The following ANKFY1 variants were observed in gnomAD, a reference collection of about 807,000 sequenced individuals.
ANKFY1 encodes the protein ankyrin repeat and FYVE domain-containing protein 1.
Under a neutral mutation model 128.3 loss-of-function variants are expected in ANKFY1, and 47 were observed. The observed-to-expected ratio is 0.37, with a 90% CI of 0.29 to 0.47. ANKFY1 has a LOEUF of 0.47. Among genes scored for constraint, ANKFY1 ranks in the 20% least tolerant of loss-of-function variants. The pLI is 1.00. For missense variants in ANKFY1, 1,222 were observed against 1,510.6 expected (o/e 0.81, Z 3.17); for synonymous variants, 553 against 601.6 (o/e 0.92, Z 1.18).
At chr17:4,205,229 G>A (rs756598295) in intron 7 of ANKFY1, among the ~76,000 whole-genome samples, 7 of 152,096 alleles carry the variant, frequency 4.6e-5, no homozygotes, top group Non-Finnish European at 7.3e-5. Flanking sequence ...CTTCAATCAA[G>A]TCAACCATCC....
At chr17:4,171,893 G>A (rs999932896) in intron 22 of ANKFY1, among the ~76,000 whole-genome samples, 9 of 152,232 alleles carry the variant, frequency 5.9e-5, no homozygotes, top group South Asian at 2.1e-4. Context: ...ACACAGCTGC[G>A]CAGAGGGCTC....
At chr17:4,193,186 A>C (rs2059748493) in intron 10 of ANKFY1, among the ~76,000 whole-genome samples, 1 of 151,890 alleles carries the variant, frequency 6.6e-6, no homozygotes, top group South Asian at 2.1e-4. Context: ...TAAAGAATGC[A>C]TATTCTTTTC....
chr17:4,254,498 A>G (rs1006496355), intron 1 of ANKFY1, among the ~76,000 whole-genome samples: 11 of 152,110 alleles, frequency 7.2e-5, no homozygotes, highest in African/African-American at 2.7e-4. Flanking sequence ...ATTTTCTCCT[A>G]GAGCCTCCAG....
intron 1 of ANKFY1, among the ~76,000 whole-genome samples, chr17:4,253,105 C>T (rs1967926604): frequency 6.6e-6 from 1 of 152,076 alleles, no homozygotes; most frequent in African/African-American, 2.4e-5. Context: ...CTTGTAATCC[C>T]AGCTACTTGG....
intron 4 of ANKFY1, among the ~76,000 whole-genome samples, chr17:4,211,165 A>G (rs997083026): frequency 6.6e-6 from 1 of 152,166 alleles, no homozygotes; most frequent in African/African-American, 2.4e-5. Flanking sequence ...GCTCTTTCAG[A>G]AGCCAAGGCG....
At chr17:4,211,387 A>G (rs1013665168) in intron 4 of ANKFY1, among the ~76,000 whole-genome samples, 12 of 143,204 alleles carry the variant, frequency 8.4e-5, no homozygotes. Context: ...ACAGAGCAAG[A>G]CTCGTCTCAA....
chr17:4,215,354 A>C (rs7208304), intron 4 of ANKFY1, among the ~76,000 whole-genome samples: 2 of 150,932 alleles, frequency 1.3e-5, no homozygotes, highest in Admixed American at 6.6e-5. Context: ...AAAAAAAGAA[A>C]AGATTTTCCT....
intron 7 of ANKFY1, among the ~76,000 whole-genome samples, chr17:4,203,156 C>T (rs1003104389): frequency 1.6e-4 from 24 of 151,990 alleles, no homozygotes; most frequent in Non-Finnish European, 4.4e-5. Flanking sequence ...TCACAATCAC[C>T]GTTTATAAGG....
At chr17:4,214,438 CT>C (rs1211555677) in intron 4 of ANKFY1, among the ~76,000 whole-genome samples, 1 of 151,930 alleles carries the variant, frequency 6.6e-6, no homozygotes, top group Non-Finnish European at 1.5e-5. Flanking sequence ...GACAGACAGA[CT>C]TTCACCCGAA....
Position 4,179,814 on chromosome 17 carries a change from T to C in ANKFY1, c.2304A>G (p.Arg768=), listed in dbSNP as rs758717001. The change falls in exon 17 of 25, where the codon AGA becomes AGG. Residue 768 remains arginine (R), a synonymous_variant. Coordinates refer to ENST00000341657, the MANE Select transcript of ANKFY1 (RefSeq NM_001330063.2). ...CCAAATGCAAAGGGGTCTGCCCATCTCTAGCCTCTTCCTCTCCTTCTCCAT... is the reference window on the plus strand; with the variant it reads ...CCAAATGCAAAGGGGTCTGCCCATCCCTAGCCTCTTCCTCTCCTTCTCCAT... ...GANGEGEEEA[R]DGQTPLHLAA... is the part of the protein sequence containing the mutation. 2.4e-5 allele frequency: 39 copies of C among 1,614,124 alleles called. No individual in the cohort carries two copies. Among genetic ancestry groups the C allele is most frequent in the Non-Finnish European group, 3.2e-5 (38 of 1,180,056 alleles).
At chr17:4,211,357 A>AGAG (rs2060127063) in intron 4 of ANKFY1, among the ~76,000 whole-genome samples, 1 of 151,610 alleles carries the variant, frequency 6.6e-6, no homozygotes, top group African/African-American at 2.4e-5. Flanking sequence ...AGACGGTGCC[A>AGAG]CTGCACTCAA....
chr17:4,256,787 G>A (rs543746188), intron 1 of ANKFY1, among the ~76,000 whole-genome samples: 1 of 152,294 alleles, frequency 6.6e-6, no homozygotes, highest in African/African-American at 2.4e-5. Context: ...ACAGTAGCTT[G>A]CACCTACCGT....
chr17:4,170,109 A>C (rs1379941027), intron 23 of ANKFY1, among the ~76,000 whole-genome samples: 1 of 152,238 alleles, frequency 6.6e-6, no homozygotes, highest in Non-Finnish European at 1.5e-5. Flanking sequence ...ACTCCACCAC[A>C]GACCAGCTGT....
intron 14 of ANKFY1, 79 bp downstream of exon 14, chr17:4,183,319 T>C (rs996819141): frequency 4.5e-6 from 7 of 1,540,664 alleles, no homozygotes; most frequent in Non-Finnish European, 6.2e-6. Flanking sequence ...AAAAACACTT[T>C]TCTACAAGCG....
At chr17:4,220,398 C>A (rs1294301380) in intron 3 of ANKFY1, among the ~76,000 whole-genome samples, 1 of 152,138 alleles carries the variant, frequency 6.6e-6, no homozygotes, top group Admixed American at 6.5e-5. Context: ...ACTCACATGG[C>A]CTGATCTTGA....
chr17:4,209,162 A>T (rs2060080228), intron 5 of ANKFY1, among the ~76,000 whole-genome samples: 1 of 152,248 alleles, frequency 6.6e-6, no homozygotes, highest in Non-Finnish European at 1.5e-5. Flanking sequence ...AGCAAGGGCA[A>T]GCTCTGAAAC....
At chr17:4,235,928 T>G (rs755587552) in intron 2 of ANKFY1, 38 bp from the exon 3 acceptor site, 17 of 1,438,344 alleles carry the variant, frequency 1.2e-5, no homozygotes, top group Non-Finnish European at 1.5e-5. Flanking sequence ...TAGAAAAATG[T>G]CATCATAACT....
chr17:4,182,422 T>C, intron 14 of ANKFY1, 73 bp from the exon 15 acceptor site: 1 of 1,198,864 alleles, frequency 8.3e-7, no homozygotes, highest in Non-Finnish European at 1.1e-6. Context: ...TTCTGGGCAT[T>C]CCAGAGTCCA....
chr17:4,198,936 T>C (rs1021777174), intron 7 of ANKFY1, among the ~76,000 whole-genome samples: 1 of 151,792 alleles, frequency 6.6e-6, no homozygotes, highest in African/African-American at 2.4e-5. Flanking sequence ...AAGGCCGAGG[T>C]GGGAGGATCA....
Sources: gnomAD v4.1 joint callset for allele counts (sites outside exome capture counted in the v4.1 genomes callset) on GRCh38, gnomAD v4.1.1 for gene constraint, MANE v1.5 for transcripts, NCBI Gene and HGNC (gene_info 2026-07-23, HGNC 2026-07-21) for gene names.